The following HMGA2 variants were observed in gnomAD, a reference collection of about 807,000 sequenced individuals.
HMGA2 encodes the protein high mobility group AT-hook 2, also known as high mobility group protein HMGI-C.
In HMGA2, 8 loss-of-function variants were observed where a neutral mutation model predicts 19.1. The ratio of observed to expected loss-of-function variants is 0.42; its 90% CI spans 0.25 to 0.76. The LOEUF (loss-of-function observed/expected upper bound fraction) is 0.76, where lower values mean the gene tolerates loss of function less well. Ranked by LOEUF, HMGA2 falls within the 30% of genes least tolerant of loss-of-function variation. The pLI, the probability that HMGA2 is intolerant of heterozygous loss-of-function variation, is 0.28. For synonymous variants in HMGA2, 60 were observed against 48.8 expected (o/e 1.23, Z -0.96); for missense variants, 109 against 136.3 (o/e 0.80, Z 1.00).
intron 3 of HMGA2, among the ~76,000 whole-genome samples, chr12:65,891,446 G>T (rs1039201175): frequency 2.6e-5 from 4 of 152,200 alleles, no homozygotes; most frequent in Non-Finnish European, 5.9e-5. Context: ...TTCCCATTGT[G>T]ACACTGGAGC....
At chr12:65,918,486 T>A (rs938882112) in intron 3 of HMGA2, among the ~76,000 whole-genome samples, 1 of 152,204 alleles carries the variant, frequency 6.6e-6, no homozygotes, top group African/African-American at 2.4e-5. Flanking sequence ...TTTTTTTATG[T>A]TGAATGCTTG....
chr12:65,871,056 G>A (rs549363102), intron 3 of HMGA2, among the ~76,000 whole-genome samples: 2 of 152,242 alleles, frequency 1.3e-5, no homozygotes, highest in Non-Finnish European at 2.9e-5. Context: ...TAGAAAAAAC[G>A]TAGGCTCAGT....
chr12:65,953,968 T>C (rs1408075769), intron 4 of HMGA2: 3 of 152,208 alleles, frequency 2.0e-5, no homozygotes, highest in Non-Finnish European at 4.4e-5. Flanking sequence ...AGGGGTTACA[T>C]TCAGAATCGC....
rs8756 is a variant in HMGA2 at position 65,965,972 on chromosome 12, C to A, written c.*2680C>A. 126,768 of 219,314 alleles carry A rather than the reference C, an allele frequency of 0.58. 37,923 individuals carry two copies. The highest frequency in any genetic ancestry group is 0.88 in the East Asian group (13,144 of 14,986). 13.6% of individuals were successfully genotyped at this position (219,314 alleles called of 1,614,324 possible). A position where few individuals can be genotyped will look rare whatever the true frequency, so the allele number is the denominator to read the frequency against. On this transcript the variant is annotated 3_prime_UTR_variant, in exon 5 of 5. Transcript: ENST00000403681. ...TCTTTGCTGTTGTTGGTCGCAGCTA[C>A]ATAAGACTGGACATTTAACTTTTCT...
intron 3 of HMGA2, among the ~76,000 whole-genome samples, chr12:65,894,803 G>A (rs1874056241): frequency 6.6e-6 from 1 of 152,182 alleles, no homozygotes; most frequent in Non-Finnish European, 1.5e-5. Context: ...AAAGGGCAAA[G>A]TTGGCCATAA....
intron 3 of HMGA2, among the ~76,000 whole-genome samples, chr12:65,945,915 G>T (rs965558293): frequency 6.6e-6 from 1 of 152,140 alleles, no homozygotes; most frequent in Non-Finnish European, 1.5e-5. Flanking sequence ...CACTTGTGTG[G>T]ATACAAACAT....
At chr12:65,948,352 A>G (rs1194368609) in intron 3 of HMGA2, 1 of 152,198 alleles carries the variant, frequency 6.6e-6, no homozygotes, top group Non-Finnish European at 1.5e-5. Flanking sequence ...TTTAATGCCA[A>G]GAACCCCGAG....
chr12:65,846,480 C>T (rs1871239045), intron 3 of HMGA2, among the ~76,000 whole-genome samples: 1 of 152,198 alleles, frequency 6.6e-6, no homozygotes, highest in Non-Finnish European at 1.5e-5. Flanking sequence ...AACTATATGA[C>T]CAGGGAAAGC....
At chr12:65,954,350 T>G (rs538773696) in intron 4 of HMGA2, 57 of 152,336 alleles carry the variant, frequency 3.7e-4, no homozygotes, top group African/African-American at 1.3e-3. Context: ...AGGCAGGAAT[T>G]TTTTAGCTGG....
At chr12:65,907,884 C>T (rs1042163705) in intron 3 of HMGA2, among the ~76,000 whole-genome samples, 6 of 152,188 alleles carry the variant, frequency 3.9e-5, no homozygotes, top group African/African-American at 1.4e-4. Context: ...GTGGTTTCAA[C>T]GACTGTGTGA....
chr12:65,884,385 G>A (rs968236111), intron 3 of HMGA2, among the ~76,000 whole-genome samples: 3 of 152,142 alleles, frequency 2.0e-5, no homozygotes, highest in Non-Finnish European at 4.4e-5. Flanking sequence ...AACAGTTCTG[G>A]TCTCAAGCAT....
chr12:65,879,639 CA>C (rs1408665881), intron 3 of HMGA2, among the ~76,000 whole-genome samples: 1 of 151,966 alleles, frequency 6.6e-6, no homozygotes, highest in Non-Finnish European at 1.5e-5. Flanking sequence ...TGCATGAACA[CA>C]AAACTCTACT....
intron 4 of HMGA2, chr12:65,952,844 T>C (rs1979440): frequency 0.44 from 71,966 of 161,770 alleles, 17,162 homozygotes; most frequent in East Asian, 0.89. Flanking sequence ...GATTCAGCCC[T>C]TGTGCTTAGT....
At chr12:65,915,640 A>C in intron 3 of HMGA2, 2 of 762,544 alleles carry the variant, frequency 2.6e-6, no homozygotes, top group Non-Finnish European at 3.3e-6. Context: ...GTAACATTTC[A>C]TTCCCAGCTT....
At chr12:65,933,803 T>C (rs1054325896) in intron 3 of HMGA2, among the ~76,000 whole-genome samples, 1 of 152,178 alleles carries the variant, frequency 6.6e-6, no homozygotes, top group African/African-American at 2.4e-5. Context: ...AAATGATTAT[T>C]AACCATTTGT....
chr12:65,854,382 T>C (rs1871624868), intron 3 of HMGA2, among the ~76,000 whole-genome samples: 1 of 152,218 alleles, frequency 6.6e-6, no homozygotes, highest in Non-Finnish European at 1.5e-5. Flanking sequence ...CTTTGACCAG[T>C]TTTCCCCTAA....
intron 4 of HMGA2, among the ~76,000 whole-genome samples, chr12:65,962,508 G>A (rs897822710): frequency 3.3e-5 from 5 of 152,172 alleles, no homozygotes; most frequent in Non-Finnish European, 7.3e-5. Context: ...AGTTAACGCC[G>A]AACTTGGGTC....
intron 3 of HMGA2, chr12:65,851,631 G>A (rs1249409373): frequency 4.5e-6 from 2 of 443,144 alleles, no homozygotes; most frequent in African/African-American, 4.1e-5. Context: ...TCATGCCACT[G>A]CCTGGGCAAC....
At chr12:65,913,608 T>G (rs1225576689) in intron 3 of HMGA2, among the ~76,000 whole-genome samples, 2 of 152,230 alleles carry the variant, frequency 1.3e-5, no homozygotes, top group African/African-American at 4.8e-5. Context: ...AGGTGTATTA[T>G]TCAGCCTTTT....
Sources: allele counts gnomAD v4.1 joint callset (sites outside exome capture counted in the v4.1 genomes callset), GRCh38; gene constraint gnomAD v4.1.1; transcripts MANE v1.5; gene names NCBI Gene and HGNC (gene_info 2026-07-23, HGNC 2026-07-21).